The following GPR158 variants were observed in gnomAD, a reference collection of about 807,000 sequenced individuals.
GPR158 encodes metabotropic glycine receptor.
A neutral mutation model predicts 78.2 loss-of-function variants in GPR158; 30 were observed. The observed-to-expected ratio is 0.38, with a 90% CI of 0.29 to 0.52. GPR158 has a LOEUF of 0.52. GPR158 is among the 20% of genes least tolerant of loss of function. The pLI, the probability that GPR158 is intolerant of heterozygous loss-of-function variation, is 0.83. For missense variants in GPR158, 1,463 were observed against 1,523.5 expected (o/e 0.96, Z 0.66); for synonymous variants, 581 against 591.1 (o/e 0.98, Z 0.25).
At chr10:25,597,485 G>A (rs1328839283) in intron 10 of GPR158, among the ~76,000 whole-genome samples, 1 of 152,168 alleles carries the variant, frequency 6.6e-6, no homozygotes, top group East Asian at 1.9e-4. Flanking sequence ...AAAAGAATCA[G>A]AAAATACAAA....
At chr10:25,241,194 CTT>C (rs1461547813) in intron 2 of GPR158, among the ~76,000 whole-genome samples, 1 of 78,584 alleles carries the variant, frequency 1.3e-5, no homozygotes, top group African/African-American at 9.0e-5. Context: ...TCTTTCCTTT[CTT>C]TCTTTCCTTT....
intron 5 of GPR158, among the ~76,000 whole-genome samples, chr10:25,538,578 G>A (rs896918625): frequency 9.9e-5 from 15 of 152,140 alleles, no homozygotes; most frequent in Admixed American, 3.9e-4. Context: ...TTATAGCCTC[G>A]AACTCCTGGC....
At chr10:25,434,735 C>T (rs1353453302) in intron 4 of GPR158, among the ~76,000 whole-genome samples, 1 of 152,160 alleles carries the variant, frequency 6.6e-6, no homozygotes, top group East Asian at 1.9e-4. Flanking sequence ...GTCCATCTAT[C>T]TAGGGCTTTT....
chr10:25,280,275 G>GA (rs2130752592), intron 2 of GPR158, among the ~76,000 whole-genome samples: 1 of 152,144 alleles, frequency 6.6e-6, no homozygotes, highest in South Asian at 2.1e-4. Context: ...GAATAAGGAT[G>GA]AAAAAAGATA....
Position 25,175,023 on chromosome 10 carries a change from CGCG to C in GPR158, c.-392_-390del. 8 of 184,940 alleles carry C rather than the reference CGCG, an allele frequency of 4.3e-5. No individual in the cohort carries two copies. The highest frequency in any genetic ancestry group is 3.4e-4 in the South Asian group (3 of 8,814). The allele number at this position is 184,940 out of a possible 1,614,324, so 11.5% of individuals were successfully genotyped here. A position where few individuals can be genotyped will look rare whatever the true frequency, so the allele number is the denominator to read the frequency against. ...ACTATGGAGCAGCGTCTTCGGCGGCCGCGGCGGCAGCAGCAGCAGCAGCTTCTG... is the reference window on the plus strand; with the variant it reads ...ACTATGGAGCAGCGTCTTCGGCGGCCGCGGCAGCAGCAGCAGCAGCTTCTG... On this transcript the variant is annotated 5_prime_UTR_variant, in exon 1 of 11. Transcript: ENST00000376351. This position sits in a 1 kb window ranked among gnomAD's most constrained non-coding sequence, Gnocchi z 6.4.
rs2130704734 is a variant in GPR158, at chr10:25,239,721, TCTTTC to T, written c.1008+18568_1008+18572del. ...AAAATTTAAAGCCCCTTTCTTTGTC[TCTTTC>T]CTTCAGTGCAGAAAGTTCTGTTGGA... On this transcript the variant is annotated intron_variant, in intron 2 of 10. Coordinates refer to ENST00000376351, the MANE Select transcript of GPR158 (RefSeq NM_020752.3). 2.0e-5 allele frequency among the ~76,000 whole-genome samples: 3 copies of T among 152,306 alleles called. No homozygotes were observed. In the East Asian group the frequency reaches 5.8e-4, roughly 29 times the overall value.
chr10:25,597,724 T>A, intron 10 of GPR158, 48 bp from the exon 11 acceptor site: 1 of 1,433,296 alleles, frequency 7.0e-7, no homozygotes. Context: ...CTTCTATGAC[T>A]GGAACACTAA....
At chr10:25,178,387 A>G (rs1852569474) in intron 1 of GPR158, among the ~76,000 whole-genome samples, 1 of 152,180 alleles carries the variant, frequency 6.6e-6, no homozygotes, top group African/African-American at 2.4e-5. Flanking sequence ...GCCGCTGTGG[A>G]ACTGAGGATG....
At chr10:25,515,487 T>A (rs1836153579) in intron 5 of GPR158, among the ~76,000 whole-genome samples, 4 of 145,382 alleles carry the variant, frequency 2.8e-5, no homozygotes, top group Admixed American at 2.7e-4. Flanking sequence ...TCATCTAGCA[T>A]TAGGTATATC....
rs549318297 is a variant in GPR158 at position 25,259,881 on chromosome 10, C to T, written c.1008+38724C>T. Among the ~76,000 whole-genome samples, 341 of 151,642 alleles carry T rather than the reference C, an allele frequency of 2.2e-3. 1 individual carries two copies. Among genetic ancestry groups the T allele is most frequent in the Non-Finnish European group, 4.1e-3 (276 of 67,810 alleles). On this transcript the variant is annotated intron_variant, in intron 2 of 10. Transcript: ENST00000376351. ...GTTCTTAAAAATTGCTTTTTTTTGA[C>T]TTTTGCTGATGTGTATAATTTTGAT...
In GPR158 at chr10:25,455,908, A is replaced by G. The variant is rs373299043; in HGVS notation, c.1336-10743A>G. ...TTTGGCAGACAACTTTAAGAATGAT[A>G]CATTCAATGTGGACTAAATTTTATG... is the stretch of plus-strand genomic sequence containing the variant. On this transcript the variant is annotated intron_variant, in intron 4 of 10. Coordinates refer to ENST00000376351, the MANE Select transcript of GPR158 (RefSeq NM_020752.3). Among the ~76,000 whole-genome samples, 139 of 152,278 alleles carry G rather than the reference A, an allele frequency of 9.1e-4. 3 individuals carry two copies. In the South Asian group the frequency reaches 0.024, roughly 27 times the overall value.
At chr10:25,197,945 A>T (rs1852866024) in intron 1 of GPR158, among the ~76,000 whole-genome samples, 1 of 152,130 alleles carries the variant, frequency 6.6e-6, no homozygotes, top group African/African-American at 2.4e-5. Flanking sequence ...AACCCTGTGG[A>T]TGTGTTTGAT....
intron 6 of GPR158, among the ~76,000 whole-genome samples, chr10:25,567,791 C>A (rs954021431): frequency 1.3e-5 from 2 of 152,000 alleles, no homozygotes; most frequent in African/African-American, 2.4e-5. Context: ...GGAAGCAATA[C>A]GATCAGATGC....
chr10:25,275,334 G>T (rs1481265088), intron 2 of GPR158, among the ~76,000 whole-genome samples: 1 of 152,154 alleles, frequency 6.6e-6, no homozygotes, highest in East Asian at 1.9e-4. Context: ...GGCCCCAGTT[G>T]ACTCTGATAC....
At chr10:25,427,943 G>T (rs573758266) in intron 4 of GPR158, among the ~76,000 whole-genome samples, 1 of 151,850 alleles carries the variant, frequency 6.6e-6, no homozygotes, top group Non-Finnish European at 1.5e-5. Context: ...GACTATGTCC[G>T]TACAATAATT....
intron 2 of GPR158, among the ~76,000 whole-genome samples, chr10:25,330,673 T>C (rs184857550): frequency 1.2e-4 from 18 of 152,328 alleles, no homozygotes; most frequent in Admixed American, 7.8e-4. Flanking sequence ...ACCTTTTTTT[T>C]CCTTCATGAA....
In GPR158 at chr10:25,598,388, A is replaced by C; in HGVS notation, c.2762A>C (p.Gln921Pro). ...ACTCTTGGATTAGCTGGGAAAACCC[A>C]AACAGCAGGTGTGGAAGAACGCACT... is the stretch of plus-strand genomic sequence containing the variant. Reference protein sequence around the residue: ...EKTLGLAGKTQTAGVEERTKS... With the variant: ...EKTLGLAGKTPTAGVEERTKS... Residue 921 changes from glutamine to proline, a missense_variant, in exon 11 of 11, where the codon CAA becomes CCA. By Grantham distance (76) the Gln-to-Pro change is moderately conservative. Coordinates refer to ENST00000376351, the MANE Select transcript of GPR158 (RefSeq NM_020752.3). 6.2e-7 allele frequency: 1 copy of C among 1,614,144 alleles called. No homozygotes were observed. Among genetic ancestry groups the C allele is most frequent in the Non-Finnish European group, 8.5e-7 (1 of 1,180,026 alleles).
chr10:25,309,018 T>C (rs1013094933), intron 2 of GPR158, among the ~76,000 whole-genome samples: 2 of 152,236 alleles, frequency 1.3e-5, no homozygotes, highest in Admixed American at 1.3e-4. Flanking sequence ...TAAATATAGC[T>C]GTACAGATAT....
chr10:25,264,842 T>C (rs1438551969), intron 2 of GPR158, among the ~76,000 whole-genome samples: 3 of 152,200 alleles, frequency 2.0e-5, no homozygotes, highest in African/African-American at 7.2e-5. Context: ...CAGTGCTATA[T>C]GTGGGGTTCA....
Sources: gnomAD v4.1 joint callset for allele counts (sites outside exome capture counted in the v4.1 genomes callset) on GRCh38, gnomAD v4.1.1 for gene constraint, Gnocchi (gnomAD v3.1) non-coding constraint, MANE v1.5 for transcripts, NCBI Gene and HGNC (gene_info 2026-07-23, HGNC 2026-07-21) for gene names.